Variants in SESN3 observed in about 807,000 individuals in gnomAD.
The protein encoded by SESN3 is sestrin-3.
SESN3 carries 21 observed loss-of-function variants against 55.3 expected under a neutral mutation model. The observed-to-expected ratio is 0.38, with a 90% confidence interval of 0.27 to 0.55. The LOEUF (loss-of-function observed/expected upper bound fraction) is 0.55. Ranked by LOEUF, SESN3 falls within the 20% of genes least tolerant of loss-of-function variation. SESN3 has a pLI of 0.76. For synonymous variants in SESN3, 181 were observed against 203.1 expected, an observed-to-expected ratio of 0.89 and a Z score of 0.93; for missense variants, 408 against 604.3, an observed-to-expected ratio of 0.68 and a Z score of 3.41.
At position 95,184,608 on chromosome 11, in the gene SESN3, A is replaced by C. The variant is rs757529275; in HGVS notation, c.763-14T>G. 6.2e-7 allele frequency: 1 copy of C among 1,608,954 alleles called. No homozygotes were observed. The highest frequency in any genetic ancestry group is 8.5e-7 in the Non-Finnish European group (1 of 1,177,828). On this transcript the variant is annotated splice_polypyrimidine_tract_variant and intron_variant, in intron 5 of 9. Transcript: ENST00000536441. ...AGAATCCACAATCTGGAAACAGATA[A>C]GATAATGTTGGGTGCTATTCATACT...
At position 95,173,162 on chromosome 11, in the gene SESN3, G is replaced by T; in HGVS notation, c.*93C>A. The T allele has an allele frequency of 1.4e-6, 1 of 701,534 alleles. No homozygotes were observed. 43.5% of individuals were successfully genotyped at this position (701,534 alleles called of 1,614,324 possible). A position where few individuals can be genotyped will look rare whatever the true frequency, so the allele number is the denominator to read the frequency against. On this transcript the variant is annotated 3_prime_UTR_variant, in exon 10 of 10. Transcript: ENST00000536441. ...GGCTAAACTTTGACACTAGAGAACT[G>T]AATAATTTTTGATGCTATATCACAA...
intron 1 of SESN3, among the ~76,000 whole-genome samples, chr11:95,198,212 GAAT>G (rs1286507998): frequency 2.0e-5 from 3 of 152,042 alleles, no homozygotes; most frequent in Non-Finnish European, 2.9e-5. Flanking sequence ...TCACAAGTGA[GAAT>G]AATATCAATT....
Position 95,172,332 on chromosome 11 carries a change from A to G in SESN3, c.*923T>C, listed in dbSNP as rs997507734. On this transcript the variant is annotated 3_prime_UTR_variant, in exon 10 of 10. Coordinates refer to ENST00000536441, the MANE Select transcript of SESN3 (RefSeq NM_144665.4). ...TTTGCTTAACGAAATATAGAAAAAA[A>G]CTATGAGAAAGGAAAAATGTGCAAA... 6.6e-6 allele frequency: 1 copy of G among 152,196 alleles called. No homozygotes were observed. Among genetic ancestry groups the G allele is most frequent in the African/African-American group, 2.4e-5 (1 of 41,460 alleles). 9.4% of individuals were successfully genotyped at this position (152,196 alleles called of 1,614,324 possible).
intron 1 of SESN3, among the ~76,000 whole-genome samples, chr11:95,213,949 GAT>G (rs1290074138): frequency 6.6e-6 from 1 of 152,088 alleles, no homozygotes. Flanking sequence ...AAGAAAAAAA[GAT>G]AAAAGTTCTG....
chr11:95,198,040 T>TG (rs1860394469), intron 1 of SESN3, among the ~76,000 whole-genome samples: 1 of 152,206 alleles, frequency 6.6e-6, no homozygotes, highest in Non-Finnish European at 1.5e-5. Context: ...CCAGCAACCC[T>TG]GGCTCAGATT....
intron 6 of SESN3, chr11:95,184,065 A>G: frequency 3.4e-6 from 1 of 297,464 alleles, no homozygotes; most frequent in Non-Finnish European, 6.1e-6. Context: ...AGTTTTTTTT[A>G]AAATTTTATC....
rs1032363930 is a variant in SESN3, at chr11:95,172,823, A to G, written c.*432T>C. 1.3e-5 allele frequency: 2 copies of G among 154,152 alleles called. No homozygotes were observed. The highest frequency in any genetic ancestry group is 2.9e-5 in the Non-Finnish European group (2 of 69,768). The allele number at this position is 154,152 out of a possible 1,614,324, so 9.5% of individuals were successfully genotyped here. A position where few individuals can be genotyped will look rare whatever the true frequency, so the allele number is the denominator to read the frequency against. ...AAGTTTTAGAATGGCCAGAGAGGTCACTCTTTGCTGAATTCCAATATCTGA... is the reference window on the plus strand; with the variant it reads ...AAGTTTTAGAATGGCCAGAGAGGTCGCTCTTTGCTGAATTCCAATATCTGA... On this transcript the variant is annotated 3_prime_UTR_variant, in exon 10 of 10. Transcript: ENST00000536441.
chr11:95,205,583 A>C (rs1395285210), intron 1 of SESN3, among the ~76,000 whole-genome samples: 2 of 152,194 alleles, frequency 1.3e-5, no homozygotes, highest in Non-Finnish European at 2.9e-5. Context: ...CAACTGATAT[A>C]AAAGCAATTC....
chr11:95,201,197 T>G (rs1443028299), intron 1 of SESN3: 1 of 152,066 alleles, frequency 6.6e-6, no homozygotes, highest in East Asian at 1.9e-4. Context: ...TAAATTTTAC[T>G]TGTTTTACTA....
At chr11:95,205,824 CAGTG>C (rs994711868) in intron 1 of SESN3, among the ~76,000 whole-genome samples, 4 of 152,178 alleles carry the variant, frequency 2.6e-5, no homozygotes, top group African/African-American at 9.6e-5. Context: ...ACAAACTTCT[CAGTG>C]AGTCTAATTT....
intron 1 of SESN3, among the ~76,000 whole-genome samples, chr11:95,206,088 C>G (rs1192499295): frequency 6.6e-6 from 1 of 151,892 alleles, no homozygotes; most frequent in Non-Finnish European, 1.5e-5. Context: ...TTCCCGTCTT[C>G]CAGATTCCCA....
chr11:95,229,711 T>C (rs1043487674), intron 1 of SESN3, among the ~76,000 whole-genome samples: 24 of 152,206 alleles, frequency 1.6e-4, no homozygotes, highest in African/African-American at 5.8e-4. Context: ...AATCCCAAAG[T>C]GAACCGTATT....
chr11:95,187,781 C>A (rs989254103), intron 4 of SESN3, among the ~76,000 whole-genome samples: 1 of 151,804 alleles, frequency 6.6e-6, no homozygotes, highest in Admixed American at 6.6e-5. Flanking sequence ...TTAACTCACA[C>A]TTTATCTTGA....
chr11:95,217,338 A>T (rs574292472), intron 1 of SESN3, among the ~76,000 whole-genome samples: 51 of 152,256 alleles, frequency 3.3e-4, no homozygotes, highest in African/African-American at 1.2e-3. Context: ...GTCAAATATA[A>T]TTTGAAGCAT....
At chr11:95,206,360 TA>T (rs1860545671) in intron 1 of SESN3, among the ~76,000 whole-genome samples, 1 of 128,254 alleles carries the variant, frequency 7.8e-6, no homozygotes, top group Non-Finnish European at 1.6e-5. Flanking sequence ...ATGCCAGTCC[TA>T]AAATACACAC....
At chr11:95,222,597 C>T (rs933050634) in intron 1 of SESN3, among the ~76,000 whole-genome samples, 2 of 152,110 alleles carry the variant, frequency 1.3e-5, no homozygotes, top group Non-Finnish European at 2.9e-5. Context: ...TCTCCATTAA[C>T]TAGATCCCAA....
intron 1 of SESN3, among the ~76,000 whole-genome samples, chr11:95,229,600 G>A (rs974446861): frequency 2.6e-5 from 4 of 152,104 alleles, no homozygotes; most frequent in Non-Finnish European, 4.4e-5. Flanking sequence ...GACCCACAGA[G>A]GAAGAAAAAC....
At position 95,231,073 on chromosome 11, in the gene SESN3, G is replaced by A. The variant is rs963221526; in HGVS notation, c.-213C>T. 4.8e-6 allele frequency: 2 copies of A among 415,960 alleles called. No homozygotes were observed. Among genetic ancestry groups the A allele is most frequent in the Non-Finnish European group, 8.4e-6 (2 of 236,968 alleles). The allele number at this position is 415,960 out of a possible 1,614,324, so 25.8% of individuals were successfully genotyped here. A position where few individuals can be genotyped will look rare whatever the true frequency, so the allele number is the denominator to read the frequency against. Reference sequence around the variant, plus strand: ...CAGCTGCCCCAGCGACGGCGGAGACGGCGGCGGCTGCTCCTCACCGGCCCG... The same window carrying A: ...CAGCTGCCCCAGCGACGGCGGAGACAGCGGCGGCTGCTCCTCACCGGCCCG... On this transcript the variant is annotated 5_prime_UTR_variant, in exon 1 of 10. Coordinates refer to ENST00000536441, the MANE Select transcript of SESN3 (RefSeq NM_144665.4).
chr11:95,182,457 C>T (rs1021095076), intron 6 of SESN3, among the ~76,000 whole-genome samples: 1 of 152,092 alleles, frequency 6.6e-6, no homozygotes, highest in Non-Finnish European at 1.5e-5. Flanking sequence ...TCCTGATTTC[C>T]CATCTCTTCT....
Sources: gnomAD v4.1 joint callset for allele counts (sites outside exome capture counted in the v4.1 genomes callset) on GRCh38, gnomAD v4.1.1 for gene constraint, MANE v1.5 for transcripts, NCBI Gene and HGNC (gene_info 2026-07-23, HGNC 2026-07-21) for gene names.